The following TAPBP variants were observed in gnomAD, a reference collection of about 807,000 sequenced individuals.
TAPBP encodes TAP binding protein, also known as tapasin.
In TAPBP, 38 loss-of-function variants were observed where a neutral mutation model predicts 45.7. The ratio of observed to expected loss-of-function variants is 0.83; its 90% CI spans 0.64 to 1.09. The LOEUF is 1.09. Ranked by LOEUF, TAPBP falls within the 50% of genes least tolerant of loss-of-function variation. The pLI is 0.00. For missense variants in TAPBP, 513 were observed against 587.3 expected (o/e 0.87, Z 1.31); for synonymous variants, 226 against 254.8 (o/e 0.89, Z 1.08).
At position 33,313,546 on chromosome 6, in the gene TAPBP, G is replaced by T; in HGVS notation, c.209-69C>A. 6.6e-7 allele frequency: 1 copy of T among 1,509,850 alleles called. No homozygotes were observed. Among genetic ancestry groups the T allele is most frequent in the East Asian group, 2.4e-5 (1 of 42,514 alleles). 93.5% of individuals were successfully genotyped at this position (1,509,850 alleles called of 1,614,324 possible). ...GAAAGGGGCTGGAAGGGCAGCGTTC[G>T]GGGAACTTCAAATGCACAGACTACC... On this transcript the variant is annotated intron_variant, in intron 2 of 7. Coordinates refer to ENST00000434618, the MANE Select transcript of TAPBP (RefSeq NM_003190.5). The surrounding 1 kb of genome is among the most constrained non-coding windows in gnomAD (Gnocchi z 7.2).
In TAPBP at chr6:33,304,619, C is replaced by G. The variant is rs1768832091; in HGVS notation, c.888G>C (p.Leu296=). The G allele has an allele frequency of 1.3e-6, 2 of 1,580,582 alleles. No homozygotes were observed. Among genetic ancestry groups the G allele is most frequent in the Non-Finnish European group, 1.7e-6 (2 of 1,168,104 alleles). The change falls in exon 5 of 8, where the codon CTG becomes CTC. Residue 296 remains leucine, a synonymous_variant. Coordinates refer to ENST00000434618, the MANE Select transcript of TAPBP (RefSeq NM_003190.5). ...LAVYKPPKVS[L]MPATLARAAP... Reference sequence around the variant, plus strand: ...CGGCCCGTGCAAGGGTTGCTGGCATCAGGGACACTTTGGGGGGTTCTGGGG... The same window carrying G: ...CGGCCCGTGCAAGGGTTGCTGGCATGAGGGACACTTTGGGGGGTTCTGGGG...
intron 7 of TAPBP, chr6:33,303,640 T>G: frequency 8.9e-7 from 1 of 1,127,262 alleles, no homozygotes; most frequent in South Asian, 1.7e-5. Context: ...AAGTTAATTT[T>G]ACCTGTTTCT....
At position 33,304,573 on chromosome 6, in the gene TAPBP, C is replaced by T. The variant is rs1244134752; in HGVS notation, c.934G>A (p.Glu312Lys). ...ARAAPGEAPP[E>K]LLCLVSHFYP... The stretch of plus-strand genomic sequence containing the variant: ...AAGTGGGACACAAGGCAGAGCAATT[C>T]CGGGGGTGCCTCCCCTGGGGCGGCC... The change falls in exon 5 of 8, where the codon GAA (glutamate) becomes AAA (lysine). Residue 312 changes from glutamate (E) to lysine (K), a missense_variant. Coordinates refer to ENST00000434618, the MANE Select transcript of TAPBP (RefSeq NM_003190.5). 5 of 1,604,778 alleles carry T rather than the reference C, an allele frequency of 3.1e-6. No individual in the cohort carries two copies. Among genetic ancestry groups the T allele is most frequent in the Non-Finnish European group, 4.2e-6 (5 of 1,178,994 alleles).
At chr6:33,306,950 C>G (rs1014358575) in intron 3 of TAPBP, among the ~76,000 whole-genome samples, 2 of 149,682 alleles carry the variant, frequency 1.3e-5, no homozygotes, top group Admixed American at 6.7e-5. Context: ...TGCACTCCAG[C>G]CTGGGCAATA....
At chr6:33,307,544 G>A (rs1349848220) in intron 3 of TAPBP, among the ~76,000 whole-genome samples, 1 of 151,920 alleles carries the variant, frequency 6.6e-6, no homozygotes, top group Non-Finnish European at 1.5e-5. Flanking sequence ...TGGGATTACA[G>A]GCGTCCACAA....
At chr6:33,302,715 A>G (rs528662885) in intron 7 of TAPBP, among the ~76,000 whole-genome samples, 11 of 145,184 alleles carry the variant, frequency 7.6e-5, no homozygotes, top group Non-Finnish European at 1.2e-4. Flanking sequence ...GTGTGATCTC[A>G]GCTCACTGCA....
Position 33,313,059 on chromosome 6 carries a change from G to A in TAPBP, c.469+158C>T, listed in dbSNP as rs1177099101. ...TGGGTGAGGGCTAGAAGGAGCGGTA[G>A]AGATTGATTCATTCTAGCCAAACCA... On this transcript the variant is annotated intron_variant, in intron 3 of 7. Coordinates refer to ENST00000434618, the MANE Select transcript of TAPBP (RefSeq NM_003190.5). The surrounding 1 kb of genome is among the most constrained non-coding windows in gnomAD (Gnocchi z 7.2). 1.3e-6 allele frequency: 1 copy of A among 757,266 alleles called. No homozygotes were observed. Among genetic ancestry groups the A allele is most frequent in the Non-Finnish European group, 2.1e-6 (1 of 485,796 alleles). The allele number at this position is 757,266 out of a possible 1,614,324, so 46.9% of individuals were successfully genotyped here.
At chr6:33,311,586 G>A (rs546450431) in intron 3 of TAPBP, among the ~76,000 whole-genome samples, 7 of 152,162 alleles carry the variant, frequency 4.6e-5, no homozygotes, top group South Asian at 4.2e-4. Context: ...GTGAGATCAC[G>A]CCATTGCACT....
At chr6:33,302,654 TTTG>T (rs932194334) in intron 7 of TAPBP, among the ~76,000 whole-genome samples, 1 of 148,540 alleles carries the variant, frequency 6.7e-6, no homozygotes, top group African/African-American at 2.5e-5. Flanking sequence ...TTCTTTTTTT[TTTG>T]TTGTTGAGAC....
rs762671269 is a variant in TAPBP, at chr6:33,304,554, G to A, written c.953C>T (p.Ser318Phe). 1.9e-6 allele frequency: 3 copies of A among 1,609,836 alleles called. No individual in the cohort carries two copies. Among genetic ancestry groups the A allele is most frequent in the Non-Finnish European group, 1.7e-6 (2 of 1,179,850 alleles). Reference protein sequence around the residue: ...EAPPELLCLVSHFYPSGGLEV... With the variant: ...EAPPELLCLVFHFYPSGGLEV... ...CAGGCCCCCAGAAGGGTAGAAGTGGGACACAAGGCAGAGCAATTCCGGGGG... is the reference window on the plus strand; with the variant it reads ...CAGGCCCCCAGAAGGGTAGAAGTGGAACACAAGGCAGAGCAATTCCGGGGG... Residue 318 changes from serine to phenylalanine, a missense_variant, in exon 5 of 8, where the codon TCC becomes TTC. Ser to Phe is a radical substitution (Grantham distance 155). Transcript: ENST00000434618.
In TAPBP at chr6:33,305,788, A is replaced by G. The variant is rs1318628525; in HGVS notation, c.470-401T>C. Among the ~76,000 whole-genome samples, 1 of 152,210 alleles carries G rather than the reference A, an allele frequency of 6.6e-6. No individual in the cohort carries two copies. The highest frequency in any genetic ancestry group is 1.5e-5 in the Non-Finnish European group (1 of 68,032). On this transcript the variant is annotated intron_variant, in intron 3 of 7. Coordinates refer to ENST00000434618, the MANE Select transcript of TAPBP (RefSeq NM_003190.5). The surrounding 1 kb of genome is among the most constrained non-coding windows in gnomAD (Gnocchi z 4.4). Reference sequence around the variant, plus strand: ...CCTTTCTTGATTACAGGCGAAGACAATGATTGAGCCATGACTGTCAGTCTT... The same window carrying G: ...CCTTTCTTGATTACAGGCGAAGACAGTGATTGAGCCATGACTGTCAGTCTT...
At chr6:33,312,759 G>T (rs759790891) in intron 3 of TAPBP, among the ~76,000 whole-genome samples, 1 of 152,220 alleles carries the variant, frequency 6.6e-6, no homozygotes, top group Non-Finnish European at 1.5e-5. Context: ...GTGGGCGCAG[G>T]TGGGGATAGA....
chr6:33,309,619 T>TTC (rs1249171355), intron 3 of TAPBP, among the ~76,000 whole-genome samples: 2 of 147,744 alleles, frequency 1.4e-5, no homozygotes, highest in Non-Finnish European at 3.0e-5. Context: ...TTTTTTTTTT[T>TTC]TTGGAGACAG....
chr6:33,301,891 A>G (rs1000566047), intron 7 of TAPBP, 120 bp from the exon 8 acceptor site: 12 of 1,434,806 alleles, frequency 8.4e-6, no homozygotes, highest in Non-Finnish European at 9.6e-6. Flanking sequence ...GATGAGGCTA[A>G]TATTTTCTGC....
In TAPBP at chr6:33,314,017, C is replaced by A; in HGVS notation, c.25G>T (p.Ala9Ser). The stretch of plus-strand genomic sequence containing the variant: ...GGGGTTCGCTCACCCAAAGCCACAG[C>A]GAGGAGCAGAGACAGGGACTTCATG... MKSLSLLL[A>S]VALGLATAVS... The change falls in exon 1 of 8, where the codon GCT (alanine) becomes TCT (serine). Residue 9 changes from alanine to serine, a missense_variant. Physicochemically the swap from Ala to Ser is moderately conservative, Grantham distance 99. Coordinates refer to ENST00000434618, the MANE Select transcript of TAPBP (RefSeq NM_003190.5). 1 of 1,614,014 alleles carries A rather than the reference C, an allele frequency of 6.2e-7. No individual in the cohort carries two copies. The highest frequency in any genetic ancestry group is 8.5e-7 in the Non-Finnish European group (1 of 1,180,032).
In TAPBP at chr6:33,313,732, C is replaced by A. The variant is rs749272745; in HGVS notation, c.170G>T (p.Arg57Leu). 2 of 1,613,482 alleles carry A rather than the reference C, an allele frequency of 1.2e-6. No homozygotes were observed. The highest frequency in any genetic ancestry group is 2.2e-5 in the East Asian group (1 of 44,884). The change falls in exon 2 of 8, where the codon CGG (arginine) becomes CTG (leucine). Residue 57 changes from arginine to leucine, a missense_variant. Arg to Leu is a moderately radical substitution (Grantham distance 102). Coordinates refer to ENST00000434618, the MANE Select transcript of TAPBP (RefSeq NM_003190.5). This position sits in a 1 kb window ranked among gnomAD's most constrained non-coding sequence, Gnocchi z 7.2. The stretch of plus-strand genomic sequence containing the variant: ...ATAGAGCTCAGGGTCGAGGTCCGGC[C>A]GGGGCGGCGGTTCCCCCGGTCCCTG... ...LRQGPGEPPP[R>L]PDLDPELYLS...
In TAPBP at chr6:33,313,495, A is replaced by T. The variant is rs1769525446; in HGVS notation, c.209-18T>A. On this transcript the variant is annotated intron_variant, in intron 2 of 7. Coordinates refer to ENST00000434618, the MANE Select transcript of TAPBP (RefSeq NM_003190.5). The surrounding 1 kb of genome is among the most constrained non-coding windows in gnomAD (Gnocchi z 7.2). The stretch of plus-strand genomic sequence containing the variant: ...CGCGGGGTCTGAGTGTAGAGAAGGA[A>T]GTTGCAGCTGTAGAGTCACCGCCGG... The T allele has an allele frequency of 6.5e-7, 1 of 1,542,084 alleles. No individual in the cohort carries two copies. Among genetic ancestry groups the T allele is most frequent in the Admixed American group, 2.0e-5 (1 of 50,042 alleles).
chr6:33,302,272 A>G (rs537377357), intron 7 of TAPBP, among the ~76,000 whole-genome samples: 141 of 151,586 alleles, frequency 9.3e-4, no homozygotes, highest in African/African-American at 3.4e-3. Context: ...CAGCTCCCCA[A>G]GTAGCTGGGA....
In TAPBP at chr6:33,305,639, T is replaced by A. The variant is rs1329864289; in HGVS notation, c.470-252A>T. Among the ~76,000 whole-genome samples, 1 of 151,608 alleles carries A rather than the reference T, an allele frequency of 6.6e-6. No homozygotes were observed. Among genetic ancestry groups the A allele is most frequent in the Non-Finnish European group, 1.5e-5 (1 of 67,900 alleles). On this transcript the variant is annotated intron_variant, in intron 3 of 7. Transcript: ENST00000434618. The surrounding 1 kb of genome is among the most constrained non-coding windows in gnomAD (Gnocchi z 4.4). ...GTGGTGAGTAGGGGCAATGAGGGGG[T>A]ATGGCCTTTGAAGCCTACTCTGAAC...
Sources: gnomAD v4.1 joint callset for allele counts (sites outside exome capture counted in the v4.1 genomes callset) on GRCh38, gnomAD v4.1.1 for gene constraint, Gnocchi (gnomAD v3.1) non-coding constraint, MANE v1.5 for transcripts, NCBI Gene and HGNC (gene_info 2026-07-23, HGNC 2026-07-21) for gene names.